The following DIP2C variants were observed in gnomAD, a reference collection of about 807,000 sequenced individuals.
DIP2C encodes DIP2 acetate--CoA ligase C (putative), also known as disco-interacting protein 2 homolog C.
Under a neutral mutation model 192.4 loss-of-function variants are expected in DIP2C, and 33 were observed. The ratio of observed to expected loss-of-function variants is 0.17; its 90% CI spans 0.13 to 0.23. The LOEUF is 0.23. Ranked by LOEUF, DIP2C falls within the 10% of genes least tolerant of loss-of-function variation. The pLI, the probability that DIP2C is intolerant of heterozygous loss-of-function variation, is 1.00. For synonymous variants in DIP2C, 979 were observed against 864.1 expected (o/e 1.13, Z -2.33); for missense variants, 1,537 against 2,110.1 (o/e 0.73, Z 5.32).
At chr10:640,324 C>A (rs1198237815) in intron 1 of DIP2C, among the ~76,000 whole-genome samples, 2 of 152,222 alleles carry the variant, frequency 1.3e-5, no homozygotes, top group Non-Finnish European at 2.9e-5. Context: ...CGGCAGATGG[C>A]CAAGTGTTAG....
intron 1 of DIP2C, among the ~76,000 whole-genome samples, chr10:580,272 TAGTG>T (rs1850532973): frequency 3.3e-5 from 5 of 151,034 alleles, no homozygotes; most frequent in African/African-American, 7.4e-5. Context: ...ATGCAGTACA[TAGTG>T]TATGTACATA....
At position 281,226 on chromosome 10, in the gene DIP2C, G is replaced by A; in HGVS notation, c.4392C>T (p.Ile1464=). Residue 1464 remains isoleucine, a synonymous_variant, in exon 36 of 37, where the codon ATC becomes ATT. Transcript: ENST00000280886. ...YHPIDIETSV[I]RAHKSVTECA... ...ATTCCGTAACGCTTTTATGGGCTCT[G>A]ATGACCGAGGTCTCAATGTCGATTG... 1 of 1,614,122 alleles carries A rather than the reference G, an allele frequency of 6.2e-7. No individual in the cohort carries two copies. The highest frequency in any genetic ancestry group is 1.3e-5 in the African/African-American group (1 of 75,014).
chr10:510,132 C>T (rs1037589664), intron 1 of DIP2C, among the ~76,000 whole-genome samples: 1 of 152,214 alleles, frequency 6.6e-6, no homozygotes, highest in Non-Finnish European at 1.5e-5. Flanking sequence ...GTACAACACG[C>T]ATGACCACTG....
At chr10:278,258 G>A (rs542915391) in intron 36 of DIP2C, among the ~76,000 whole-genome samples, 5 of 152,354 alleles carry the variant, frequency 3.3e-5, no homozygotes, top group South Asian at 2.1e-4. Context: ...CCGTGCGTGC[G>A]GAGGCCAAGG....
At chr10:356,600 G>C (rs1959095296) in intron 23 of DIP2C, 94 bp from the exon 24 acceptor site, 1 of 1,028,246 alleles carries the variant, frequency 9.7e-7, no homozygotes, top group East Asian at 2.4e-5. Context: ...AACCCATAGA[G>C]GCTGAGTGCT....
At position 383,509 on chromosome 10, in the gene DIP2C, T is replaced by C. The variant is rs149237695; in HGVS notation, c.1876+518A>G. ...TTATAGTATTCTGTGGAGCTGCTAATTTACTTTAACTGGGTATTTTTGTTA... is the reference window on the plus strand; with the variant it reads ...TTATAGTATTCTGTGGAGCTGCTAACTTACTTTAACTGGGTATTTTTGTTA... On this transcript the variant is annotated intron_variant, in intron 16 of 36. Transcript: ENST00000280886. Among the ~76,000 whole-genome samples, 503 of 152,372 alleles carry C rather than the reference T, an allele frequency of 3.3e-3. 3 individuals carry two copies. The highest frequency in any genetic ancestry group is 0.012 in the African/African-American group (488 of 41,592).
rs533744356 is a variant in DIP2C at position 651,275 on chromosome 10, C to G, written c.85+38219G>C. On this transcript the variant is annotated intron_variant, in intron 1 of 36. Transcript: ENST00000280886. This position sits in a 1 kb window ranked among gnomAD's most constrained non-coding sequence, Gnocchi z 4.1. ...GTTCCGGTCACCAGTCGGCCTCCCCCACCAACGTGGACTCCTTACAAGCAG... is the reference window on the plus strand; with the variant it reads ...GTTCCGGTCACCAGTCGGCCTCCCCGACCAACGTGGACTCCTTACAAGCAG... 4 of 713,306 alleles carry G rather than the reference C, an allele frequency of 5.6e-6. No individual in the cohort carries two copies. Among genetic ancestry groups the G allele is most frequent in the East Asian group, 2.7e-5 (1 of 37,280 alleles). The allele number at this position is 713,306 out of a possible 1,614,324, so 44.2% of individuals were successfully genotyped here. A position where few individuals can be genotyped will look rare whatever the true frequency, so the allele number is the denominator to read the frequency against.
rs185066780 is a variant in DIP2C, at chr10:424,929, C to A, written c.395-1896G>T. Among the ~76,000 whole-genome samples, 133 of 152,292 alleles carry A rather than the reference C, an allele frequency of 8.7e-4. 1 individual carries two copies. The highest frequency in any genetic ancestry group is 1.6e-4 in the Non-Finnish European group (11 of 68,026). ...TATGACACGGATGATACAGCATAAC[C>A]AACGGTGACTAATATGACACAGATG... On this transcript the variant is annotated intron_variant, in intron 4 of 36. Coordinates refer to ENST00000280886, the MANE Select transcript of DIP2C (RefSeq NM_014974.3).
intron 1 of DIP2C, among the ~76,000 whole-genome samples, chr10:571,007 C>T (rs994598442): frequency 1.3e-5 from 2 of 152,236 alleles, no homozygotes; most frequent in Non-Finnish European, 2.9e-5. Context: ...GGCTTCCCAG[C>T]GCCCTGGGCT....
At position 522,900 on chromosome 10, in the gene DIP2C, C is replaced by G. The variant is rs180726573; in HGVS notation, c.86-36370G>C. Among the ~76,000 whole-genome samples, 214 of 152,186 alleles carry G rather than the reference C, an allele frequency of 1.4e-3. 1 individual carries two copies. The highest frequency in any genetic ancestry group is 4.7e-3 in the African/African-American group (194 of 41,526). ...AGGGACTCTGCATGACCAACACGCTCGTTTCTACCTGAGCAAAGGACCCTG... is the reference window on the plus strand; with the variant it reads ...AGGGACTCTGCATGACCAACACGCTGGTTTCTACCTGAGCAAAGGACCCTG... On this transcript the variant is annotated intron_variant, in intron 1 of 36. Transcript: ENST00000280886.
chr10:674,789 T>TATATAGAGAGAGAGAGAG, intron 1 of DIP2C, among the ~76,000 whole-genome samples: 6 of 62,496 alleles, frequency 9.6e-5, no homozygotes, highest in South Asian at 5.4e-4. Flanking sequence ...TATATATATA[T>TATATAGAGAGAGAGAGAG]AGAGAGAGAG....
chr10:371,730 G>A (rs577298393), intron 17 of DIP2C, among the ~76,000 whole-genome samples: 3 of 150,348 alleles, frequency 2.0e-5, no homozygotes, highest in East Asian at 3.9e-4. Context: ...AGCAGCACCC[G>A]AGGGAGGCTG....
At chr10:390,572 T>C (rs1457724228) in intron 11 of DIP2C, among the ~76,000 whole-genome samples, 168 bp downstream of exon 11, 1 of 151,704 alleles carries the variant, frequency 6.6e-6, no homozygotes, top group Admixed American at 6.6e-5. Flanking sequence ...CCCCACGGGC[T>C]GGCAACTCGG....
intron 17 of DIP2C, 62 bp from the exon 18 acceptor site, chr10:369,695 T>C: frequency 1.9e-6 from 3 of 1,612,958 alleles, no homozygotes; most frequent in Non-Finnish European, 2.5e-6. Flanking sequence ...ATCACAGATG[T>C]GCAGTCAGCA....
At chr10:408,058 T>C (rs1305995193) in intron 9 of DIP2C, among the ~76,000 whole-genome samples, 1 of 152,018 alleles carries the variant, frequency 6.6e-6, no homozygotes, top group East Asian at 1.9e-4. Context: ...TTATGTTTTC[T>C]TCTAGGTTTT....
chr10:414,188 A>C, intron 7 of DIP2C, 78 bp from the exon 8 acceptor site: 1 of 1,467,066 alleles, frequency 6.8e-7, no homozygotes, highest in South Asian at 1.3e-5. Flanking sequence ...TTTATAAAGA[A>C]GCCAAGAGAT....
At chr10:563,899 TGTCAAAA>T (rs745410925) in intron 1 of DIP2C, among the ~76,000 whole-genome samples, 176 of 152,354 alleles carry the variant, frequency 1.2e-3, no homozygotes, top group Non-Finnish European at 1.9e-3. Flanking sequence ...GTTCTTAATG[TGTCAAAA>T]ATCCCAACAC....
At chr10:568,765 C>CAAAAAGAAAAA (rs1849594412) in intron 1 of DIP2C, among the ~76,000 whole-genome samples, 1 of 37,862 alleles carries the variant, frequency 2.6e-5, no homozygotes, top group Non-Finnish European at 4.7e-5. Flanking sequence ...AACTCCGTCT[C>CAAAAAGAAAAA]AAAAAAAAAA....
At chr10:536,237 C>T (rs775890576) in intron 1 of DIP2C, among the ~76,000 whole-genome samples, 3 of 152,222 alleles carry the variant, frequency 2.0e-5, no homozygotes, top group Non-Finnish European at 2.9e-5. Context: ...TTCACACAGC[C>T]CTTTTCTCTG....
Sources: allele counts gnomAD v4.1 joint callset (sites outside exome capture counted in the v4.1 genomes callset), GRCh38; gene constraint gnomAD v4.1.1; non-coding constraint Gnocchi (gnomAD v3.1); transcripts MANE v1.5; gene names NCBI Gene and HGNC (gene_info 2026-07-23, HGNC 2026-07-21).